The following ATP13A4 variants were observed in gnomAD, a reference collection of about 807,000 sequenced individuals.
ATP13A4 encodes probable cation-transporting ATPase 13A4.
ATP13A4 carries 114 observed loss-of-function variants against 142.5 expected under a neutral mutation model. That is an observed-to-expected ratio of 0.80 (90% CI 0.69 to 0.93). The LOEUF (loss-of-function observed/expected upper bound fraction) is 0.93. Among genes scored for constraint, ATP13A4 ranks in the 40% least tolerant of loss-of-function variants. The pLI, the probability that ATP13A4 is intolerant of heterozygous loss-of-function variation, is 0.00. For synonymous variants in ATP13A4, 488 were observed against 514.8 expected, an observed-to-expected ratio of 0.95 and a Z score of 0.70; for missense variants, 1,392 against 1,454.0, an observed-to-expected ratio of 0.96 and a Z score of 0.69.
At chr3:193,450,369 A>AT (rs1049818475) in intron 17 of ATP13A4, among the ~76,000 whole-genome samples, 3 of 152,154 alleles carry the variant, frequency 2.0e-5, no homozygotes, top group African/African-American at 4.8e-5. Flanking sequence ...TGTTGGGACC[A>AT]TTTTTTGCCA....
chr3:193,576,890 T>C (rs1306560131), intron 2 of ATP13A4, among the ~76,000 whole-genome samples: 2 of 152,218 alleles, frequency 1.3e-5, no homozygotes, highest in African/African-American at 4.8e-5. Flanking sequence ...GCCTGAATGT[T>C]CTAGCAATCA....
intron 25 of ATP13A4, among the ~76,000 whole-genome samples, chr3:193,431,627 G>T (rs1285273728): frequency 2.7e-5 from 4 of 150,586 alleles, no homozygotes; most frequent in Admixed American, 1.3e-4. Context: ...GTGTGTGTGT[G>T]TTTACTATAT....
intron 7 of ATP13A4, among the ~76,000 whole-genome samples, chr3:193,487,814 T>TA (rs1345149072): frequency 6.6e-6 from 1 of 152,244 alleles, no homozygotes; most frequent in Admixed American, 6.5e-5. Flanking sequence ...CATGAAAAGA[T>TA]ATATGTGCAA....
At chr3:193,455,376 C>T (rs1356922432) in intron 16 of ATP13A4, among the ~76,000 whole-genome samples, 6 of 147,644 alleles carry the variant, frequency 4.1e-5, no homozygotes, top group Non-Finnish European at 8.9e-5. Flanking sequence ...AGGCAAAGGA[C>T]ATGAACGCTT....
chr3:193,491,255 C>A, intron 6 of ATP13A4, 74 bp downstream of exon 6: 1 of 1,111,758 alleles, frequency 9.0e-7, no homozygotes, highest in Admixed American at 1.7e-5. Flanking sequence ...ACAATTAGCA[C>A]TCCTGATTAT....
intron 2 of ATP13A4, among the ~76,000 whole-genome samples, chr3:193,571,343 A>G (rs1405231006): frequency 2.0e-5 from 3 of 152,092 alleles, no homozygotes; most frequent in Non-Finnish European, 1.5e-5. Flanking sequence ...GAATAAATAA[A>G]TGGGGAGAAT....
intron 9 of ATP13A4, 89 bp downstream of exon 9, chr3:193,470,770 T>G: frequency 6.3e-7 from 1 of 1,588,980 alleles, no homozygotes. Flanking sequence ...GCCACTGTCA[T>G]TCAGGTAGAG....
chr3:193,535,627 C>T (rs190733842), intron 1 of ATP13A4, among the ~76,000 whole-genome samples: 2 of 151,976 alleles, frequency 1.3e-5, no homozygotes, highest in Non-Finnish European at 2.9e-5. Flanking sequence ...CTCTCAAGAA[C>T]CTAGAAGAAG....
At chr3:193,576,056 G>A (rs1400708804) in intron 2 of ATP13A4, among the ~76,000 whole-genome samples, 1 of 152,038 alleles carries the variant, frequency 6.6e-6, no homozygotes, top group African/African-American at 2.4e-5. Flanking sequence ...CAGTGCACAG[G>A]CTAGCCATCC....
intron 23 of ATP13A4, among the ~76,000 whole-genome samples, chr3:193,436,924 G>A (rs552931358): frequency 3.4e-5 from 5 of 148,334 alleles, no homozygotes; most frequent in East Asian, 2.0e-4. Flanking sequence ...CTAAAACGGC[G>A]AAACCCCGTC....
At chr3:193,470,802 C>T (rs1718573105) in intron 9 of ATP13A4, 57 bp downstream of exon 9, 3 of 1,612,022 alleles carry the variant, frequency 1.9e-6, no homozygotes, top group East Asian at 2.2e-5. Flanking sequence ...GGGACCATAG[C>T]AGCGTGGAGT....
In ATP13A4 at chr3:193,466,202, C is replaced by A. The variant is rs372148531; in HGVS notation, c.1115-20G>T. The A allele has an allele frequency of 6.0e-5, 96 of 1,613,234 alleles. 1 individual carries two copies. The African/African-American group carries it at 1.1e-3, about 18-fold the overall frequency. ...TGAATCCTGGAACAACAAACACACA[C>A]CCCACACTCTCAGGAGACCAACGCT... On this transcript the variant is annotated intron_variant, in intron 10 of 29. Coordinates refer to ENST00000342695, the MANE Select transcript of ATP13A4 (RefSeq NM_032279.4).
intron 1 of ATP13A4, among the ~76,000 whole-genome samples, chr3:193,545,410 C>G (rs1197301002): frequency 6.6e-6 from 1 of 152,076 alleles, no homozygotes; most frequent in Non-Finnish European, 1.5e-5. Context: ...TGTTCTTTTT[C>G]TGAGGGGCCA....
Position 193,400,800 on chromosome 3 carries a change from C to CTCA in ATP13A4, c.*1849_*1851dup, listed in dbSNP as rs1714235982. On this transcript the variant is annotated 3_prime_UTR_variant, in exon 30 of 30. Transcript: ENST00000342695. The stretch of plus-strand genomic sequence containing the variant: ...GTATGAACTGTGCAGGCTGATCTTG[C>CTCA]TCATGACTAGGTCACAGACCATCTC... Among the ~76,000 whole-genome samples the CTCA allele has an allele frequency of 1.3e-5, 2 of 152,200 alleles. No homozygotes were observed. Among genetic ancestry groups the CTCA allele is most frequent in the Admixed American group, 6.5e-5 (1 of 15,286 alleles).
At chr3:193,562,646 C>A (rs1724044231) in intron 2 of ATP13A4, among the ~76,000 whole-genome samples, 1 of 152,106 alleles carries the variant, frequency 6.6e-6, no homozygotes. Context: ...TCGAGGTGTG[C>A]AGATGATGAG....
intron 16 of ATP13A4, among the ~76,000 whole-genome samples, chr3:193,455,910 A>G (rs1717581931): frequency 6.6e-6 from 1 of 152,200 alleles, no homozygotes; most frequent in Admixed American, 6.5e-5. Flanking sequence ...GCTGGAGGTC[A>G]TTATCCTTAG....
intron 1 of ATP13A4, among the ~76,000 whole-genome samples, chr3:193,549,885 A>G (rs1723448323): frequency 6.6e-6 from 1 of 152,240 alleles, no homozygotes; most frequent in Non-Finnish European, 1.5e-5. Context: ...TTTTAAGAAT[A>G]GAATTTTTAA....
intron 2 of ATP13A4, among the ~76,000 whole-genome samples, chr3:193,574,995 A>G (rs1200047367): frequency 6.6e-6 from 1 of 152,210 alleles, no homozygotes; most frequent in African/African-American, 2.4e-5. Flanking sequence ...TCAGATCTTA[A>G]GACACTGGCA....
intron 25 of ATP13A4, among the ~76,000 whole-genome samples, chr3:193,431,229 T>C (rs1247643763): frequency 6.6e-6 from 1 of 152,092 alleles, no homozygotes; most frequent in East Asian, 1.9e-4. Flanking sequence ...CCTAGATCAG[T>C]AAGTAGCACA....
Sources: gnomAD v4.1 joint callset for allele counts (sites outside exome capture counted in the v4.1 genomes callset) on GRCh38, gnomAD v4.1.1 for gene constraint, MANE v1.5 for transcripts, NCBI Gene and HGNC (gene_info 2026-07-23, HGNC 2026-07-21) for gene names.